The following DCDC1 variants were observed in gnomAD, a reference collection of about 807,000 sequenced individuals.
DCDC1 encodes doublecortin domain-containing protein 1.
DCDC1 carries 200 observed loss-of-function variants against 178.3 expected under a neutral mutation model. The ratio of observed to expected loss-of-function variants is 1.12; its 90% CI spans 1.00 to 1.26. The LOEUF (loss-of-function observed/expected upper bound fraction) is 1.26. Among genes scored for constraint, DCDC1 ranks in the 50% most tolerant of loss-of-function variants. DCDC1 has a pLI of 0.00. For missense variants in DCDC1, 1,983 were observed against 1,749.2 expected (o/e 1.13, Z -2.38); for synonymous variants, 690 against 604.8 (o/e 1.14, Z -2.07).
At chr11:31,357,701 C>G (rs1371577567) in intron 1 of DCDC1, among the ~76,000 whole-genome samples, 2 of 152,050 alleles carry the variant, frequency 1.3e-5, no homozygotes, top group Admixed American at 6.6e-5. Flanking sequence ...ATTGTCTCAG[C>G]CCAAAATCTC....
intron 8 of DCDC1, among the ~76,000 whole-genome samples, chr11:31,254,618 C>T (rs1206714929): frequency 6.6e-6 from 1 of 152,118 alleles, no homozygotes; most frequent in Non-Finnish European, 1.5e-5. Flanking sequence ...AAACAATAAG[C>T]ATTCACTTAG....
chr11:31,252,012 T>C (rs1472991001), intron 8 of DCDC1, among the ~76,000 whole-genome samples: 1 of 152,192 alleles, frequency 6.6e-6, no homozygotes, highest in Non-Finnish European at 1.5e-5. Flanking sequence ...ATGCAAGCTA[T>C]GAAAGAATGA....
At chr11:31,104,013 T>C (rs1322702141) in intron 13 of DCDC1, among the ~76,000 whole-genome samples, 5 of 152,122 alleles carry the variant, frequency 3.3e-5, no homozygotes, top group East Asian at 3.8e-4. Context: ...AAAATAATAA[T>C]TGCAATAATT....
chr11:31,353,836 A>G (rs1199779721), intron 1 of DCDC1, among the ~76,000 whole-genome samples: 1 of 152,204 alleles, frequency 6.6e-6, no homozygotes, highest in African/African-American at 2.4e-5. Flanking sequence ...TAACAAGAAA[A>G]TTCTTCAATT....
chr11:31,309,465 G>C (rs1402243064), intron 3 of DCDC1, among the ~76,000 whole-genome samples: 1 of 152,188 alleles, frequency 6.6e-6, no homozygotes, highest in Non-Finnish European at 1.5e-5. Flanking sequence ...TGTGGCAGCA[G>C]TCATTTCAAA....
At chr11:31,177,278 A>G (rs1968173109) in intron 9 of DCDC1, among the ~76,000 whole-genome samples, 1 of 152,152 alleles carries the variant, frequency 6.6e-6, no homozygotes, top group African/African-American at 2.4e-5. Context: ...AATGACAAAG[A>G]AAGAAAGTAT....
intron 20 of DCDC1, among the ~76,000 whole-genome samples, chr11:30,976,588 A>G (rs529776522): frequency 3.3e-5 from 5 of 152,232 alleles, no homozygotes; most frequent in East Asian, 1.9e-4. Flanking sequence ...AAAATACTCA[A>G]CATCACTAAT....
chr11:31,321,189 C>G (rs1418017661), intron 3 of DCDC1, among the ~76,000 whole-genome samples: 4 of 38,458 alleles, frequency 1.0e-4, no homozygotes, highest in African/African-American at 3.3e-4. Context: ...CCACCCAGTT[C>G]GAGCTTCCCG....
intron 20 of DCDC1, among the ~76,000 whole-genome samples, chr11:31,034,598 G>A (rs529199088): frequency 1.3e-5 from 2 of 152,306 alleles, no homozygotes; most frequent in Non-Finnish European, 2.9e-5. Flanking sequence ...ACAGGATTCA[G>A]TATATTAACA....
At chr11:30,885,412 C>T (rs1435018537) in intron 36 of DCDC1, among the ~76,000 whole-genome samples, 1 of 151,766 alleles carries the variant, frequency 6.6e-6, no homozygotes, top group African/African-American at 2.4e-5. Flanking sequence ...TCCATAGACA[C>T]AATAGTAAAT....
intron 20 of DCDC1, among the ~76,000 whole-genome samples, chr11:30,999,327 A>G (rs1211346097): frequency 1.1e-4 from 17 of 152,198 alleles, no homozygotes; most frequent in Admixed American, 1.1e-3. Flanking sequence ...GATGTTGGTT[A>G]TGTAAGATGT....
At chr11:31,357,878 C>G (rs903089968) in intron 1 of DCDC1, among the ~76,000 whole-genome samples, 3 of 152,032 alleles carry the variant, frequency 2.0e-5, no homozygotes, top group Admixed American at 6.6e-5. Flanking sequence ...ATCCAACTTA[C>G]AAGGGATGTG....
chr11:30,900,534 C>T (rs273560), intron 32 of DCDC1, 36 bp from the exon 33 acceptor site: 941,025 of 1,421,360 alleles, frequency 0.66, 314,144 homozygotes, highest in Middle Eastern at 0.76. Context: ...CATTGTTCAA[C>T]GAATAATGAA....
chr11:31,276,566 C>T (rs1565535837), intron 7 of DCDC1, among the ~76,000 whole-genome samples: 1 of 151,996 alleles, frequency 6.6e-6, no homozygotes, highest in African/African-American at 2.4e-5. Context: ...AGTCTCTGCT[C>T]AGGCCAGCAT....
At position 30,903,823 on chromosome 11, in the gene DCDC1, T is replaced by A. The variant is rs1316074984; in HGVS notation, c.4309-140A>T. ...TAGAAAGCTGAATTACTAATGATGC[T>A]GATCTTTGATTACAGACTATTTTGG... On this transcript the variant is annotated intron_variant, in intron 31 of 38. Transcript: ENST00000684477. 3 of 720,994 alleles carry A rather than the reference T, an allele frequency of 4.2e-6. No homozygotes were observed. The East Asian group carries it at 8.8e-5, about 21-fold the overall frequency. 44.7% of individuals were successfully genotyped at this position (720,994 alleles called of 1,614,324 possible).
intron 20 of DCDC1, among the ~76,000 whole-genome samples, chr11:31,013,582 T>TAAGAGC (rs1337709021): frequency 8.5e-5 from 13 of 152,198 alleles, no homozygotes; most frequent in Non-Finnish European, 1.3e-4. Context: ...TGCTCTTTCA[T>TAAGAGC]ATATACAGTA....
At chr11:30,867,924 C>G (rs1941146427) in intron 38 of DCDC1, among the ~76,000 whole-genome samples, 1 of 152,130 alleles carries the variant, frequency 6.6e-6, no homozygotes, top group African/African-American at 2.4e-5. Context: ...GATGTAGCAG[C>G]TTATATGGTC....
chr11:30,882,857 T>C (rs1196981694), intron 36 of DCDC1: 1 of 152,222 alleles, frequency 6.6e-6, no homozygotes, highest in Non-Finnish European at 1.5e-5. Flanking sequence ...CAAAAGTATC[T>C]GTGTTGTGTT....
chr11:31,242,051 T>TA (rs1430973784), intron 8 of DCDC1, among the ~76,000 whole-genome samples: 1 of 152,008 alleles, frequency 6.6e-6, no homozygotes, highest in East Asian at 1.9e-4. Flanking sequence ...ATCTGGAAAT[T>TA]ATTCATAAAA....
Sources: allele counts gnomAD v4.1 joint callset (sites outside exome capture counted in the v4.1 genomes callset), GRCh38; gene constraint gnomAD v4.1.1; transcripts MANE v1.5; gene names NCBI Gene and HGNC (gene_info 2026-07-23, HGNC 2026-07-21).